The following DDX6 variants were observed in gnomAD, a reference collection of about 807,000 sequenced individuals.
DDX6 encodes the protein probable ATP-dependent RNA helicase DDX6.
DDX6 carries 7 observed loss-of-function variants against 60.6 expected under a neutral mutation model. The ratio of observed to expected loss-of-function variants is 0.12; its 90% CI spans 0.07 to 0.22. DDX6 has a LOEUF of 0.22. Among genes scored for constraint, DDX6 ranks in the 10% least tolerant of loss-of-function variants. The pLI is 1.00. For synonymous variants in DDX6, 207 were observed against 201.0 expected (o/e 1.03, Z -0.25); for missense variants, 270 against 589.9 (o/e 0.46, Z 5.62).
intron 3 of DDX6, among the ~76,000 whole-genome samples, chr11:118,780,143 G>C (rs1486462550): frequency 3.1e-5 from 3 of 96,968 alleles, no homozygotes; most frequent in African/African-American, 1.0e-4. Flanking sequence ...AAAAAAAAAG[G>C]AAAGAAAACT....
intron 10 of DDX6, 89 bp from the exon 11 acceptor site, chr11:118,756,412 C>T: frequency 1.9e-6 from 2 of 1,036,324 alleles, no homozygotes; most frequent in Non-Finnish European, 2.9e-6. Flanking sequence ...ATCAGTTCTA[C>T]CCAAAATCTG....
chr11:118,780,757 A>T (rs138983599), intron 3 of DDX6, among the ~76,000 whole-genome samples: 21 of 152,334 alleles, frequency 1.4e-4, no homozygotes, highest in Middle Eastern at 3.4e-3. Context: ...GGCTAAGTCA[A>T]ATTTCTCAAG....
rs1860628674 is a variant in DDX6 at position 118,748,269 on chromosome 11, G to A, written c.*3836C>T. 1 of 152,136 alleles carries A rather than the reference G, an allele frequency of 6.6e-6. No homozygotes were observed. The highest frequency in any genetic ancestry group is 2.4e-5 in the African/African-American group (1 of 41,410). 9.4% of individuals were successfully genotyped at this position (152,136 alleles called of 1,614,324 possible). On this transcript the variant is annotated 3_prime_UTR_variant, in exon 14 of 14. Transcript: ENST00000534980. ...GTGGATGGGCAGAGTCCAGGTGCCA[G>A]GCTAGCTCCCTCTGACCTCATGAAC...
chr11:118,771,832 TACAC>T (rs1213890691), intron 4 of DDX6, among the ~76,000 whole-genome samples: 3 of 152,202 alleles, frequency 2.0e-5, no homozygotes, highest in Non-Finnish European at 4.4e-5. Context: ...GGAACTCTCA[TACAC>T]TGCTAGTGGG....
At chr11:118,790,366 T>A (rs1018127307) in intron 1 of DDX6, 2 of 151,842 alleles carry the variant, frequency 1.3e-5, no homozygotes, top group African/African-American at 4.8e-5. Flanking sequence ...CAATAGGGAC[T>A]CCCCCAAGGA....
chr11:118,772,034 T>C (rs912203406), intron 4 of DDX6, among the ~76,000 whole-genome samples: 2 of 152,158 alleles, frequency 1.3e-5, no homozygotes, highest in African/African-American at 2.4e-5. Context: ...TTTTTTATAA[T>C]AGTACAAACT....
chr11:118,763,615 CAT>C (rs1257234783), intron 6 of DDX6, among the ~76,000 whole-genome samples: 1 of 152,044 alleles, frequency 6.6e-6, no homozygotes, highest in Non-Finnish European at 1.5e-5. Context: ...GGGTGGATCA[CAT>C]GAGGTCAGGA....
chr11:118,762,001 G>T (rs1264729687), intron 7 of DDX6, among the ~76,000 whole-genome samples: 2 of 151,846 alleles, frequency 1.3e-5, no homozygotes, highest in Non-Finnish European at 1.5e-5. Flanking sequence ...CAGGCCGGGC[G>T]TGGTGGCTCA....
intron 5 of DDX6, among the ~76,000 whole-genome samples, chr11:118,765,831 G>T (rs7937118): frequency 1 from 151,345 of 151,348 alleles, 75,671 homozygotes; most frequent in Middle Eastern, 1. Context: ...CTACCTATAA[G>T]CCCAGCACTT....
At chr11:118,771,481 T>C (rs891040238) in intron 4 of DDX6, among the ~76,000 whole-genome samples, 1 of 152,208 alleles carries the variant, frequency 6.6e-6, no homozygotes, top group Non-Finnish European at 1.5e-5. Flanking sequence ...CCATTATGAT[T>C]AACAGTCAGT....
intron 3 of DDX6, 39 bp from the exon 4 acceptor site, chr11:118,779,775 A>C (rs11824829): frequency 7.0e-7 from 1 of 1,428,598 alleles, no homozygotes; most frequent in Non-Finnish European, 9.6e-7. Flanking sequence ...AATAAATAAC[A>C]CTGTTGGTAA....
intron 2 of DDX6, among the ~76,000 whole-genome samples, chr11:118,784,629 T>C (rs1862013556): frequency 6.6e-6 from 1 of 152,078 alleles, no homozygotes; most frequent in African/African-American, 2.4e-5. Flanking sequence ...CAGCTGATTT[T>C]TGTATTTTTA....
intron 1 of DDX6, chr11:118,789,967 T>C (rs1359083331): frequency 6.6e-6 from 1 of 152,088 alleles, no homozygotes; most frequent in Non-Finnish European, 1.5e-5. Context: ...AAACGTAGAC[T>C]AGTTGGGAGG....
chr11:118,751,082 T>C lies in DDX6; in HGVS notation c.*1023A>G, dbSNP rs1236725574. ...ATATATATATGTATATATATATATATATATGAACCCAGAAAAAAAACTTAT... is the reference window on the plus strand; with the variant it reads ...ATATATATATGTATATATATATATACATATGAACCCAGAAAAAAAACTTAT... On this transcript the variant is annotated 3_prime_UTR_variant, in exon 14 of 14. Coordinates refer to ENST00000534980, the MANE Select transcript of DDX6 (RefSeq NM_004397.6). 1 of 127,522 alleles carries C rather than the reference T, an allele frequency of 7.8e-6. No individual in the cohort carries two copies. The highest frequency in any genetic ancestry group is 8.6e-5 in the Admixed American group (1 of 11,668). 7.9% of individuals were successfully genotyped at this position (127,522 alleles called of 1,614,324 possible). A position where few individuals can be genotyped will look rare whatever the true frequency, so the allele number is the denominator to read the frequency against.
Position 118,748,102 on chromosome 11 carries a change from TTTG to T in DDX6, c.*4000_*4002del, listed in dbSNP as rs1860623186. On this transcript the variant is annotated 3_prime_UTR_variant, in exon 14 of 14. Coordinates refer to ENST00000534980, the MANE Select transcript of DDX6 (RefSeq NM_004397.6). The stretch of plus-strand genomic sequence containing the variant: ...CTGTTTCAAAAAAGGGAATAGTGAC[TTTG>T]TTTTCTCCAGGCTCCCCTTCCCACA... The T allele has an allele frequency of 6.6e-6, 1 of 152,162 alleles. No individual in the cohort carries two copies. Among genetic ancestry groups the T allele is most frequent in the South Asian group, 2.1e-4 (1 of 4,824 alleles). 9.4% of individuals were successfully genotyped at this position (152,162 alleles called of 1,614,324 possible).
At chr11:118,776,317 A>G (rs1337171669) in intron 4 of DDX6, among the ~76,000 whole-genome samples, 7 of 152,204 alleles carry the variant, frequency 4.6e-5, no homozygotes, top group Non-Finnish European at 8.8e-5. Flanking sequence ...TTATACTATT[A>G]CCTCAATTAT....
At chr11:118,754,658 T>C in intron 13 of DDX6, 47 bp downstream of exon 13, 2 of 1,512,250 alleles carry the variant, frequency 1.3e-6, no homozygotes, top group Non-Finnish European at 1.8e-6. Context: ...AAGATTTTGA[T>C]TTCCCTCATT....
At chr11:118,755,256 ATTAGTC>A (rs1860926761) in intron 12 of DDX6, 140 bp downstream of exon 12, 1 of 590,454 alleles carries the variant, frequency 1.7e-6, no homozygotes, top group South Asian at 2.2e-5. Context: ...AGAATTAGAA[ATTAGTC>A]TTAAATACCA....
rs558546238 is a variant in DDX6, at chr11:118,780,588, A to G, written c.264+533T>C. Among the ~76,000 whole-genome samples, 32 of 152,320 alleles carry G rather than the reference A, an allele frequency of 2.1e-4. 1 individual carries two copies. The highest frequency in any genetic ancestry group is 7.7e-4 in the African/African-American group (32 of 41,566). ...TGCCTCGGCCTCCCAAAGTGCTGGG[A>G]ATACAGGCAAGAGCCACTGTGCCCG... On this transcript the variant is annotated intron_variant, in intron 3 of 13. Coordinates refer to ENST00000534980, the MANE Select transcript of DDX6 (RefSeq NM_004397.6).
Sources: allele counts gnomAD v4.1 joint callset (sites outside exome capture counted in the v4.1 genomes callset), GRCh38; gene constraint gnomAD v4.1.1; transcripts MANE v1.5; gene names NCBI Gene and HGNC (gene_info 2026-07-23, HGNC 2026-07-21).